The following SLC39A11 variants were observed in gnomAD, a reference collection of about 807,000 sequenced individuals.
SLC39A11 encodes zinc transporter ZIP11.
A neutral mutation model predicts 36.1 loss-of-function variants in SLC39A11; 33 were observed. That is an observed-to-expected ratio of 0.91 (90% CI 0.69 to 1.22). The LOEUF is 1.22. Ranked by LOEUF, SLC39A11 falls within the 50% of genes most tolerant of loss-of-function variation. SLC39A11 has a pLI of 0.00. For synonymous variants in SLC39A11, 166 were observed against 170.3 expected (o/e 0.97, Z 0.20); for missense variants, 432 against 430.3 (o/e 1.00, Z -0.03).
intron 5 of SLC39A11, among the ~76,000 whole-genome samples, chr17:72,860,977 C>A (rs993384156): frequency 2.6e-5 from 4 of 152,086 alleles, no homozygotes; most frequent in Admixed American, 2.6e-4. Flanking sequence ...AGGTATAGGA[C>A]CCATCTAGCA....
At chr17:73,075,624 G>A (rs1229025475) in intron 3 of SLC39A11, among the ~76,000 whole-genome samples, 2 of 152,170 alleles carry the variant, frequency 1.3e-5, no homozygotes, top group Non-Finnish European at 2.9e-5. Context: ...AGGCCAAGGT[G>A]GGTGGATCAC....
At chr17:72,970,800 C>G (rs1351089878) in intron 4 of SLC39A11, among the ~76,000 whole-genome samples, 1 of 152,246 alleles carries the variant, frequency 6.6e-6, no homozygotes, top group African/African-American at 2.4e-5. Context: ...GAGGAAGCCT[C>G]CCCACCAAAA....
intron 4 of SLC39A11, among the ~76,000 whole-genome samples, chr17:73,030,797 C>T (rs1456835324): frequency 6.6e-6 from 1 of 152,152 alleles, no homozygotes; most frequent in East Asian, 1.9e-4. Context: ...CAATGGCTTG[C>T]GGTTCCCATC....
chr17:72,772,300 C>T (rs909931097), intron 6 of SLC39A11, among the ~76,000 whole-genome samples: 1 of 152,216 alleles, frequency 6.6e-6, no homozygotes. Flanking sequence ...CTGTTCAAGG[C>T]CTTTGAGACT....
intron 6 of SLC39A11, among the ~76,000 whole-genome samples, chr17:72,754,068 A>ACACT (rs1321234038): frequency 6.7e-6 from 1 of 149,256 alleles, no homozygotes; most frequent in Non-Finnish European, 1.5e-5. Flanking sequence ...ACACACACAC[A>ACACT]CACACACACA....
intron 5 of SLC39A11, among the ~76,000 whole-genome samples, chr17:72,937,455 TAAAC>T (rs150139722): frequency 0.41 from 62,577 of 151,208 alleles, 15,022 homozygotes; most frequent in South Asian, 0.61. Context: ...AGAGTCCGTC[TAAAC>T]AAACAAACAA....
At chr17:72,834,497 C>T (rs899040433) in intron 6 of SLC39A11, among the ~76,000 whole-genome samples, 17 of 152,276 alleles carry the variant, frequency 1.1e-4, no homozygotes, top group Non-Finnish European at 1.3e-4. Context: ...TGACACACGC[C>T]TGTAATTCCA....
At chr17:72,669,137 C>T (rs8080540) in intron 7 of SLC39A11, among the ~76,000 whole-genome samples, 126,823 of 152,240 alleles carry the variant, frequency 0.83, 53,341 homozygotes, top group African/African-American at 0.95. Flanking sequence ...TGTAGTTATG[C>T]AGGAGAATGT....
At chr17:72,704,347 C>T (rs181445785) in intron 7 of SLC39A11, among the ~76,000 whole-genome samples, 17 of 152,254 alleles carry the variant, frequency 1.1e-4, no homozygotes, top group Admixed American at 4.6e-4. Context: ...TCGATTTGGA[C>T]CTAGGAAGTC....
At chr17:72,779,704 G>T (rs1416260356) in intron 6 of SLC39A11, among the ~76,000 whole-genome samples, 1 of 152,130 alleles carries the variant, frequency 6.6e-6, no homozygotes, top group Admixed American at 6.5e-5. Context: ...ACACCTTCTG[G>T]TCTCTATTCT....
intron 5 of SLC39A11, among the ~76,000 whole-genome samples, chr17:72,873,960 C>T (rs1392811728): frequency 6.6e-6 from 1 of 152,180 alleles, no homozygotes; most frequent in Non-Finnish European, 1.5e-5. Flanking sequence ...GCTCAGCTCT[C>T]ACTCTTTCTT....
intron 3 of SLC39A11, chr17:73,073,835 C>G (rs1204631772): frequency 6.6e-6 from 1 of 152,104 alleles, no homozygotes; most frequent in Non-Finnish European, 1.5e-5. Flanking sequence ...CTCCCAGCCT[C>G]CTAAAGAGAA....
chr17:72,981,022 CAAAA>C (rs959533291), intron 4 of SLC39A11, among the ~76,000 whole-genome samples: 28 of 78,356 alleles, frequency 3.6e-4, no homozygotes, highest in African/African-American at 1.1e-3. Flanking sequence ...GACTCCATCT[CAAAA>C]AAAAAAAAAA....
intron 6 of SLC39A11, among the ~76,000 whole-genome samples, chr17:72,813,938 G>A (rs1039899466): frequency 3.3e-5 from 5 of 152,266 alleles, no homozygotes; most frequent in East Asian, 3.9e-4. Context: ...TCACTGATGG[G>A]TTAGGAGGCC....
rs540738679 is a variant in SLC39A11 at position 72,983,350 on chromosome 17, T to C, written c.307-35475A>G. On this transcript the variant is annotated intron_variant, in intron 4 of 9. Transcript: ENST00000255559. ...TTTTAGTAGAGACGAGGTTTCACCA[T>C]GTTGGCCAGGCTGGTCTCAAGCTCC... 1.6e-4 allele frequency among the ~76,000 whole-genome samples: 25 copies of C among 152,276 alleles called. No homozygotes were observed. In the East Asian group the frequency reaches 4.3e-3, roughly 26 times the overall value.
At chr17:72,737,750 C>A (rs2074493246) in intron 6 of SLC39A11, among the ~76,000 whole-genome samples, 2 of 152,270 alleles carry the variant, frequency 1.3e-5, no homozygotes, top group South Asian at 4.2e-4. Context: ...TCTTTCCCAG[C>A]ATCCCTCATA....
At position 72,923,260 on chromosome 17, in the gene SLC39A11, A is replaced by G. The variant is rs1239485097; in HGVS notation, c.430+24492T>C. ...GGTCAGGGTTGGACATGTGAGTTGC[A>G]TGGGCCAATAGGACCCAGTGGATGT... is the stretch of plus-strand genomic sequence containing the variant. On this transcript the variant is annotated intron_variant, in intron 5 of 9. Coordinates refer to ENST00000255559, the MANE Select transcript of SLC39A11 (RefSeq NM_139177.4). Among the ~76,000 whole-genome samples, 3 of 152,106 alleles carry G rather than the reference A, an allele frequency of 2.0e-5. 1 individual carries two copies. The highest frequency in any genetic ancestry group is 3.9e-4 in the East Asian group (2 of 5,178).
intron 6 of SLC39A11, among the ~76,000 whole-genome samples, chr17:72,843,383 C>G (rs1020947765): frequency 2.0e-4 from 30 of 152,280 alleles, no homozygotes; most frequent in African/African-American, 7.0e-4. Flanking sequence ...ATTTGGAAAC[C>G]TAATCCCCAA....
At chr17:72,773,072 G>A (rs762859917) in intron 6 of SLC39A11, among the ~76,000 whole-genome samples, 4 of 152,134 alleles carry the variant, frequency 2.6e-5, no homozygotes, top group African/African-American at 4.8e-5. Context: ...GGCGACAAGA[G>A]TGAAACTCCG....
Sources: allele counts gnomAD v4.1 joint callset (sites outside exome capture counted in the v4.1 genomes callset), GRCh38; gene constraint gnomAD v4.1.1; transcripts MANE v1.5; gene names NCBI Gene and HGNC (gene_info 2026-07-23, HGNC 2026-07-21).